The following XPO6 variants were observed in gnomAD, a reference collection of about 807,000 sequenced individuals.
XPO6 encodes exportin-6.
XPO6 carries 3 observed loss-of-function variants against 130.0 expected under a neutral mutation model. The observed-to-expected ratio is 0.02, with a 90% CI of 0.01 to 0.06. The LOEUF is 0.06. XPO6 is among the 10% of genes least tolerant of loss of function. The probability of loss-of-function intolerance (pLI) is 1.00; values close to 1 mark genes in which losing one functional copy is unlikely to be tolerated. For synonymous variants in XPO6, 524 were observed against 548.9 expected (o/e 0.95, Z 0.63); for missense variants, 970 against 1,393.0 (o/e 0.70, Z 4.83).
chr16:28,153,186 C>T, intron 7 of XPO6: 1 of 998,876 alleles, frequency 1.0e-6, no homozygotes, highest in Non-Finnish European at 1.2e-6. Context: ...GTGAATGGTG[C>T]TAAAGACACA....
chr16:28,150,563 T>C (rs2043067523), intron 8 of XPO6, among the ~76,000 whole-genome samples: 1 of 152,108 alleles, frequency 6.6e-6, no homozygotes, highest in Non-Finnish European at 1.5e-5. Flanking sequence ...CACAAAACTT[T>C]TGGGTCCAAT....
intron 14 of XPO6, among the ~76,000 whole-genome samples, chr16:28,118,594 C>T (rs1294460689): frequency 2.6e-5 from 4 of 152,196 alleles, no homozygotes; most frequent in South Asian, 2.1e-4. Flanking sequence ...TGACTTCAAG[C>T]GATCCTTCTG....
chr16:28,148,391 A>G lies in XPO6; in HGVS notation c.1225-2188T>C, dbSNP rs73525013. 7.0e-3 allele frequency among the ~76,000 whole-genome samples: 1,070 copies of G among 152,274 alleles called. 18 individuals carry two copies. Among genetic ancestry groups the G allele is most frequent in the African/African-American group, 0.025 (1,033 of 41,560 alleles). The stretch of plus-strand genomic sequence containing the variant: ...CTGGCCTCTGATAGTTGCTGTGGAC[A>G]TGGTTCATTCCGGTCATCAAGATGA... On this transcript the variant is annotated intron_variant, in intron 8 of 23. Transcript: ENST00000304658.
chr16:28,197,244 T>C (rs555479996), intron 1 of XPO6, among the ~76,000 whole-genome samples: 1 of 151,994 alleles, frequency 6.6e-6, no homozygotes, highest in South Asian at 2.1e-4. Flanking sequence ...AGAGAGAGAC[T>C]CTGACTCAAA....
At chr16:28,170,793 A>AAT (rs1271876389) in intron 4 of XPO6, among the ~76,000 whole-genome samples, 1 of 152,222 alleles carries the variant, frequency 6.6e-6, no homozygotes, top group African/African-American at 2.4e-5. Flanking sequence ...TATCACGTGT[A>AAT]ATAGTCTCTC....
chr16:28,199,119 A>G (rs1423810629), intron 1 of XPO6, among the ~76,000 whole-genome samples: 3 of 152,154 alleles, frequency 2.0e-5, no homozygotes, highest in Non-Finnish European at 2.9e-5. Context: ...CAGCCTGGGC[A>G]ACAAGAGTGA....
rs567041485 is a variant in XPO6, at chr16:28,126,250, G to A, written c.1607-402C>T. Among the ~76,000 whole-genome samples, 37 of 152,322 alleles carry A rather than the reference G, an allele frequency of 2.4e-4. No individual in the cohort carries two copies. In the South Asian group the frequency reaches 6.8e-3, roughly 28 times the overall value. The stretch of plus-strand genomic sequence containing the variant: ...TTCCGGGGCAAGGCTGGTGTTCTAC[G>A]CTGAGTCTATGTGACTCCAAATCTG... On this transcript the variant is annotated intron_variant, in intron 12 of 23. Coordinates refer to ENST00000304658, the MANE Select transcript of XPO6 (RefSeq NM_015171.4).
At chr16:28,161,160 A>G (rs1384960444) in intron 6 of XPO6, among the ~76,000 whole-genome samples, 1 of 152,248 alleles carries the variant, frequency 6.6e-6, no homozygotes, top group East Asian at 1.9e-4. Context: ...TCATTTCTGA[A>G]GGGTTAACTG....
At chr16:28,145,154 T>C (rs914352845) in intron 9 of XPO6, among the ~76,000 whole-genome samples, 3 of 152,218 alleles carry the variant, frequency 2.0e-5, no homozygotes, top group Non-Finnish European at 4.4e-5. Context: ...TTTAGTTTAT[T>C]AGGAAACTAC....
At chr16:28,177,367 G>A (rs1304615234) in intron 2 of XPO6, 35 bp from the exon 3 acceptor site, 1 of 1,279,436 alleles carries the variant, frequency 7.8e-7, no homozygotes, top group Non-Finnish European at 1.1e-6. Context: ...AGAAAGCTAT[G>A]AAAATACATG....
chr16:28,111,035 G>C (rs1329340324), intron 17 of XPO6: 1 of 152,176 alleles, frequency 6.6e-6, no homozygotes, highest in African/African-American at 2.4e-5. Context: ...TCAGATTTAG[G>C]AGTTACTTTT....
intron 2 of XPO6, among the ~76,000 whole-genome samples, chr16:28,178,635 C>CA (rs1352472458): frequency 1.3e-5 from 2 of 151,414 alleles, no homozygotes; most frequent in African/African-American, 4.9e-5. Flanking sequence ...AGGAGAGTGT[C>CA]AAAATGAACA....
intron 10 of XPO6, among the ~76,000 whole-genome samples, chr16:28,134,942 G>C (rs934933469): frequency 1.3e-5 from 2 of 152,188 alleles, no homozygotes; most frequent in Non-Finnish European, 2.9e-5. Context: ...AGAGGATACA[G>C]AGTTCTCACT....
intron 12 of XPO6, chr16:28,126,588 G>T (rs889842582): frequency 3.3e-5 from 5 of 152,186 alleles, no homozygotes; most frequent in Admixed American, 6.5e-5. Context: ...CAAAGAACTA[G>T]TGACTTACTA....
rs1185942350 is a variant in XPO6 at position 28,211,680 on chromosome 16, C to G, written c.-312G>C. The G allele has an allele frequency of 2.0e-5, 8 of 394,896 alleles. No homozygotes were observed. The highest frequency in any genetic ancestry group is 1.7e-4 in the African/African-American group (8 of 48,438). 24.5% of individuals were successfully genotyped at this position (394,896 alleles called of 1,614,324 possible). On this transcript the variant is annotated 5_prime_UTR_variant, in exon 1 of 24. Coordinates refer to ENST00000304658, the MANE Select transcript of XPO6 (RefSeq NM_015171.4). ...CGGGACCCCCGCCCGGGCCCGACCC[C>G]CGCGGGGGAGGCTGCGGGCCCAGGC...
chr16:28,098,698 C>T (rs2086586902), intron 23 of XPO6, 59 bp from the exon 24 acceptor site: 1 of 1,296,742 alleles, frequency 7.7e-7, no homozygotes, highest in South Asian at 1.3e-5. Flanking sequence ...CCCACCAGAC[C>T]CCAACAGCTA....
At chr16:28,153,744 C>A (rs1488768965) in intron 7 of XPO6, 1 of 985,268 alleles carries the variant, frequency 1.0e-6, no homozygotes, top group African/African-American at 1.7e-5. Context: ...ACATACTAGG[C>A]CTTAGCTGAA....
intron 6 of XPO6, among the ~76,000 whole-genome samples, chr16:28,161,643 T>G (rs940247125): frequency 2.6e-5 from 4 of 152,184 alleles, no homozygotes; most frequent in African/African-American, 9.6e-5. Context: ...GCTGTGTGAC[T>G]ACTTGCTTGG....
intron 5 of XPO6, among the ~76,000 whole-genome samples, chr16:28,168,511 C>T (rs1288917257): frequency 1.3e-5 from 2 of 151,646 alleles, no homozygotes; most frequent in Non-Finnish European, 2.9e-5. Flanking sequence ...AAAAAAAGTG[C>T]TTTGAATGAA....
Sources: allele counts gnomAD v4.1 joint callset (sites outside exome capture counted in the v4.1 genomes callset), GRCh38; gene constraint gnomAD v4.1.1; transcripts MANE v1.5; gene names NCBI Gene and HGNC (gene_info 2026-07-23, HGNC 2026-07-21).